Variants in ZNF385B observed in about 807,000 individuals in gnomAD.
ZNF385B encodes zinc finger protein 385B.
ZNF385B carries 23 observed loss-of-function variants against 39.2 expected under a neutral mutation model. The ratio of observed to expected loss-of-function variants is 0.59; its 90% CI spans 0.42 to 0.83. The LOEUF is 0.83. Among genes scored for constraint, ZNF385B ranks in the 40% least tolerant of loss-of-function variants. The pLI is 0.00. For synonymous variants in ZNF385B, 205 were observed against 222.6 expected (o/e 0.92, Z 0.70); for missense variants, 552 against 598.9 (o/e 0.92, Z 0.82).
intron 1 of ZNF385B, among the ~76,000 whole-genome samples, chr2:179,780,077 G>T (rs890937341): frequency 6.6e-6 from 1 of 152,034 alleles, no homozygotes; most frequent in African/African-American, 2.4e-5. Flanking sequence ...TGATTCTAAT[G>T]GGCAGCCAAT....
At chr2:179,566,072 C>T (rs893436756) in intron 3 of ZNF385B, among the ~76,000 whole-genome samples, 14 of 152,132 alleles carry the variant, frequency 9.2e-5, no homozygotes, top group Non-Finnish European at 1.3e-4. Context: ...TGAATGTAGG[C>T]GTAAGGGAAT....
intron 3 of ZNF385B, among the ~76,000 whole-genome samples, chr2:179,752,616 T>C (rs551675891): frequency 6.6e-6 from 1 of 152,326 alleles, no homozygotes; most frequent in South Asian, 2.1e-4. Context: ...GACTTTTTAA[T>C]GATCGCCATT....
At chr2:179,741,135 G>A (rs1702063051) in intron 3 of ZNF385B, among the ~76,000 whole-genome samples, 1 of 152,096 alleles carries the variant, frequency 6.6e-6, no homozygotes, top group Admixed American at 6.6e-5. Flanking sequence ...ACAGGTTCCT[G>A]GTTTGAATGT....
At chr2:179,614,307 A>T (rs1360046692) in intron 3 of ZNF385B, among the ~76,000 whole-genome samples, 4 of 151,750 alleles carry the variant, frequency 2.6e-5, no homozygotes, top group East Asian at 1.9e-4. Context: ...CCACTTCTGT[A>T]TTTTTTTTCT....
intron 3 of ZNF385B, among the ~76,000 whole-genome samples, chr2:179,759,151 A>G (rs1228560303): frequency 6.6e-6 from 1 of 152,158 alleles, no homozygotes; most frequent in African/African-American, 2.4e-5. Context: ...GAGAATGGAT[A>G]GCAGAGAGCA....
intron 5 of ZNF385B, among the ~76,000 whole-genome samples, chr2:179,486,064 C>A (rs867555238): frequency 1.1e-4 from 16 of 151,854 alleles, no homozygotes; most frequent in African/African-American, 3.6e-4. Context: ...TATTTTAGGG[C>A]CTTTATTTAT....
chr2:179,529,543 C>T (rs1375501638), intron 4 of ZNF385B, among the ~76,000 whole-genome samples: 1 of 151,898 alleles, frequency 6.6e-6, no homozygotes, highest in Non-Finnish European at 1.5e-5. Flanking sequence ...AGTAGATGCC[C>T]TTTTGAAAAA....
At chr2:179,731,103 C>T (rs1486349068) in intron 3 of ZNF385B, among the ~76,000 whole-genome samples, 1 of 152,158 alleles carries the variant, frequency 6.6e-6, no homozygotes, top group Non-Finnish European at 1.5e-5. Flanking sequence ...TGGTTTCAAC[C>T]TGTATGTTCA....
chr2:179,561,071 T>A (rs1443430032), intron 3 of ZNF385B, among the ~76,000 whole-genome samples: 1 of 152,242 alleles, frequency 6.6e-6, no homozygotes, highest in Admixed American at 6.5e-5. Context: ...TCCTGGGTTA[T>A]ACAAATACTA....
intron 3 of ZNF385B, among the ~76,000 whole-genome samples, chr2:179,721,505 T>C (rs1405365168): frequency 6.6e-6 from 1 of 152,090 alleles, no homozygotes. Context: ...AACAAAACCA[T>C]ATCAGCAAAA....
At chr2:179,619,004 T>C (rs1689989825) in intron 3 of ZNF385B, among the ~76,000 whole-genome samples, 1 of 152,180 alleles carries the variant, frequency 6.6e-6, no homozygotes, top group Non-Finnish European at 1.5e-5. Context: ...AAACAACACC[T>C]GGTCTGTTTA....
At chr2:179,772,721 C>T (rs1704083157) in intron 1 of ZNF385B, among the ~76,000 whole-genome samples, 1 of 152,190 alleles carries the variant, frequency 6.6e-6, no homozygotes, top group Admixed American at 6.5e-5. Context: ...AGAAAAATCT[C>T]ACTTTCTATT....
intron 3 of ZNF385B, among the ~76,000 whole-genome samples, chr2:179,753,842 T>C (rs1702841667): frequency 1.3e-5 from 2 of 152,198 alleles, no homozygotes; most frequent in Admixed American, 6.5e-5. Context: ...GCTGAGACGA[T>C]GGGGTTTTCT....
intron 3 of ZNF385B, among the ~76,000 whole-genome samples, chr2:179,625,188 A>G (rs969657070): frequency 6.6e-6 from 1 of 152,158 alleles, no homozygotes; most frequent in Non-Finnish European, 1.5e-5. Flanking sequence ...TTGGCCATGT[A>G]TACAATGAAA....
At chr2:179,848,395 T>C (rs937582944) in intron 1 of ZNF385B, among the ~76,000 whole-genome samples, 2 of 152,224 alleles carry the variant, frequency 1.3e-5, no homozygotes, top group African/African-American at 4.8e-5. Context: ...GCTTCTATTA[T>C]AGGCAAAGCA....
At chr2:179,627,725 C>A (rs1341146638) in intron 3 of ZNF385B, among the ~76,000 whole-genome samples, 1 of 152,078 alleles carries the variant, frequency 6.6e-6, no homozygotes, top group Non-Finnish European at 1.5e-5. Context: ...CTTCAGAGAG[C>A]TATTTACTAG....
At chr2:179,585,326 T>C (rs759652069) in intron 3 of ZNF385B, among the ~76,000 whole-genome samples, 1 of 152,224 alleles carries the variant, frequency 6.6e-6, no homozygotes, top group Non-Finnish European at 1.5e-5. Flanking sequence ...GGTATTTATA[T>C]TGACCTACCT....
chr2:179,465,614 T>C (rs1446503438), intron 6 of ZNF385B, among the ~76,000 whole-genome samples: 1 of 152,174 alleles, frequency 6.6e-6, no homozygotes, highest in Admixed American at 6.6e-5. Flanking sequence ...ATTATCCTCA[T>C]CTATCAGCCT....
chr2:179,463,246 G>C (rs1248146878), intron 6 of ZNF385B, among the ~76,000 whole-genome samples: 1 of 151,920 alleles, frequency 6.6e-6, no homozygotes, highest in Non-Finnish European at 1.5e-5. Context: ...TAGAGAAATG[G>C]GGAAGCTGGA....
Sources: gnomAD v4.1 joint callset for allele counts (sites outside exome capture counted in the v4.1 genomes callset) on GRCh38, gnomAD v4.1.1 for gene constraint, MANE v1.5 for transcripts, NCBI Gene and HGNC (gene_info 2026-07-23, HGNC 2026-07-21) for gene names.